ELP4: variants seen among roughly 807,000 people sequenced by gnomAD.
The protein encoded by ELP4 is elongator acetyltransferase complex subunit 4.
ELP4 carries 51 observed loss-of-function variants against 48.9 expected under a neutral mutation model. The ratio of observed to expected loss-of-function variants is 1.04; its 90% CI spans 0.83 to 1.32. ELP4 has a LOEUF of 1.32. ELP4 is among the 40% of genes most tolerant of loss of function. ELP4 has a pLI of 0.00. For missense variants in ELP4, 519 were observed against 514.6 expected, an observed-to-expected ratio of 1.01 and a Z score of -0.08; for synonymous variants, 210 against 189.2, an observed-to-expected ratio of 1.11 and a Z score of -0.90.
intron 9 of ELP4, among the ~76,000 whole-genome samples, chr11:31,718,580 G>T (rs1045421999): frequency 6.6e-6 from 1 of 152,172 alleles, no homozygotes; most frequent in Non-Finnish European, 1.5e-5. Flanking sequence ...TCAACTAGGA[G>T]TGTCTTCACT....
At chr11:31,685,887 C>T (rs1946150284) in intron 9 of ELP4, among the ~76,000 whole-genome samples, 1 of 150,040 alleles carries the variant, frequency 6.7e-6, no homozygotes, top group Non-Finnish European at 1.5e-5. Flanking sequence ...TCCGAGATCA[C>T]GCCACTGCAC....
intron 6 of ELP4, 24 bp downstream of exon 6, chr11:31,627,218 T>G: frequency 3.2e-6 from 3 of 927,126 alleles, no homozygotes; most frequent in Non-Finnish European, 3.1e-6. Context: ...TCAAAGTCTT[T>G]TATAATTATT....
chr11:31,510,934 A>G, intron 1 of ELP4: 1 of 152,268 alleles, frequency 6.6e-6, no homozygotes, highest in East Asian at 1.9e-4. Context: ...AGTGTGTGAT[A>G]TGTGTCTGTT....
intron 1 of ELP4, among the ~76,000 whole-genome samples, chr11:31,519,655 T>C (rs909400627): frequency 3.9e-5 from 6 of 152,038 alleles, no homozygotes; most frequent in Non-Finnish European, 7.4e-5. Flanking sequence ...TAAAACTCCA[T>C]CTCTGCTAAA....
chr11:31,542,039 C>G (rs1956600599), intron 3 of ELP4, among the ~76,000 whole-genome samples: 1 of 152,134 alleles, frequency 6.6e-6, no homozygotes, highest in African/African-American at 2.4e-5. Flanking sequence ...TAACAAGGTC[C>G]AGATTTCTCC....
rs140510344 is a variant in ELP4, at chr11:31,557,811, C to A, written c.381+18028C>A. Among the ~76,000 whole-genome samples the A allele has an allele frequency of 5.9e-3, 901 of 152,066 alleles. 9 individuals are homozygous for A. The highest frequency in any genetic ancestry group is 0.021 in the African/African-American group (858 of 41,526). The stretch of plus-strand genomic sequence containing the variant: ...TAAACAATTAAAAATTACTTTCTGA[C>A]CGTTGGTATCAGTCTTCTTTGCAAG... On this transcript the variant is annotated intron_variant, in intron 3 of 9. Coordinates refer to ENST00000640961, the MANE Select transcript of ELP4 (RefSeq NM_019040.5).
At chr11:31,656,521 G>A (rs1002604731) in intron 9 of ELP4, among the ~76,000 whole-genome samples, 24 of 151,944 alleles carry the variant, frequency 1.6e-4, no homozygotes, top group East Asian at 7.7e-4. Context: ...CACCTTGACC[G>A]TAATTTTTAT....
At chr11:31,762,903 T>C (rs2037613) in intron 9 of ELP4, among the ~76,000 whole-genome samples, 95,963 of 151,388 alleles carry the variant, frequency 0.63, 32,443 homozygotes, top group African/African-American at 0.88. Flanking sequence ...CTGATACAGA[T>C]TTTATACCTT....
In ELP4 at chr11:31,539,683, A is replaced by T; in HGVS notation, c.281A>T (p.Tyr94Phe). The T allele has an allele frequency of 6.2e-7, 1 of 1,607,340 alleles. No homozygotes were observed. ...ACAGAGGAGGATAAATATAATATTT[A>T]CTCACCTTTGCTCTTCAAGTATTTC... ...LLIEEDKYNI[Y>F]SPLLFKYFLA... The change falls in exon 3 of 10, where the codon TAC becomes TTC. Residue 94 changes from tyrosine to phenylalanine, a missense_variant. By Grantham distance (22) the Tyr-to-Phe change is conservative. Transcript: ENST00000640961.
Position 31,789,577 on chromosome 11 carries a change from T to TAAAA in ELP4, c.*6064_*6067dup. ...AGCTTGTTGATCATGGTTTTCTTTT[T>TAAAA]AAAAAAAAAAAAAACAACTTCATGA... On this transcript the variant is annotated 3_prime_UTR_variant, in exon 10 of 10. Transcript: ENST00000640961. 2 of 493,630 alleles carry TAAAA rather than the reference T, an allele frequency of 4.1e-6. No homozygotes were observed. Among genetic ancestry groups the TAAAA allele is most frequent in the South Asian group, 2.7e-5 (1 of 37,430 alleles). The allele number at this position is 493,630 out of a possible 1,614,324, so 30.6% of individuals were successfully genotyped here. A position where few individuals can be genotyped will look rare whatever the true frequency, so the allele number is the denominator to read the frequency against.
At chr11:31,723,345 G>A (rs767406333) in intron 9 of ELP4, among the ~76,000 whole-genome samples, 1 of 131,430 alleles carries the variant, frequency 7.6e-6, no homozygotes, top group African/African-American at 2.8e-5. Context: ...CCCGCCCCCC[G>A]CCACCCACTC....
intron 9 of ELP4, among the ~76,000 whole-genome samples, chr11:31,747,828 T>C (rs1947630502): frequency 6.6e-6 from 1 of 152,234 alleles, no homozygotes; most frequent in Non-Finnish European, 1.5e-5. Context: ...GATTCACTTA[T>C]TTAACAAATG....
intron 7 of ELP4, among the ~76,000 whole-genome samples, chr11:31,636,224 A>G (rs1244345690): frequency 6.6e-6 from 1 of 151,982 alleles, no homozygotes; most frequent in Non-Finnish European, 1.5e-5. Context: ...GAAAAGTAGT[A>G]TATGTGAGTA....
At chr11:31,754,828 C>T (rs796482107) in intron 9 of ELP4, among the ~76,000 whole-genome samples, 8 of 152,218 alleles carry the variant, frequency 5.3e-5, no homozygotes, top group African/African-American at 1.9e-4. Flanking sequence ...GCCAAGATCA[C>T]GCCATTATAC....
intron 9 of ELP4, among the ~76,000 whole-genome samples, chr11:31,760,638 A>C (rs778621970): frequency 6.6e-6 from 1 of 152,228 alleles, no homozygotes; most frequent in Non-Finnish European, 1.5e-5. Flanking sequence ...ATTTCACTTC[A>C]TGTCAATTTA....
chr11:31,762,171 A>G (rs1947958357), intron 9 of ELP4: 1 of 152,234 alleles, frequency 6.6e-6, no homozygotes, highest in South Asian at 2.1e-4. Context: ...CATCTAAACC[A>G]GACACAAAGA....
chr11:31,664,024 C>T (rs1945618924), intron 9 of ELP4: 1 of 151,980 alleles, frequency 6.6e-6, no homozygotes, highest in Admixed American at 6.6e-5. Flanking sequence ...TGCATGAAAT[C>T]ACACAAAAAG....
intron 9 of ELP4, among the ~76,000 whole-genome samples, chr11:31,689,837 A>T (rs544464148): frequency 2.7e-5 from 4 of 150,206 alleles, no homozygotes; most frequent in African/African-American, 1.0e-4. Flanking sequence ...CATCTTTCTC[A>T]TAGGGTTGTG....
At chr11:31,596,266 G>T (rs907922000) in intron 4 of ELP4, among the ~76,000 whole-genome samples, 2 of 152,136 alleles carry the variant, frequency 1.3e-5, no homozygotes, top group African/African-American at 4.8e-5. Flanking sequence ...TTAGCTGGGC[G>T]TGGTGGCGGG....
Sources: allele counts gnomAD v4.1 joint callset (sites outside exome capture counted in the v4.1 genomes callset), GRCh38; gene constraint gnomAD v4.1.1; transcripts MANE v1.5; gene names NCBI Gene and HGNC (gene_info 2026-07-23, HGNC 2026-07-21).